The following ARID1B variants were observed in gnomAD, a reference collection of about 807,000 sequenced individuals.
ARID1B encodes the protein AT-rich interactive domain-containing protein 1B.
Under a neutral mutation model 212.3 loss-of-function variants are expected in ARID1B, and 30 were observed. The observed-to-expected ratio is 0.14, with a 90% CI of 0.11 to 0.19. The LOEUF is 0.19. ARID1B is among the 10% of genes least tolerant of loss of function. The pLI is 1.00. For synonymous variants in ARID1B, 1,402 were observed against 1,301.7 expected, an observed-to-expected ratio of 1.08 and a Z score of -1.66; for missense variants, 2,891 against 3,204.0, an observed-to-expected ratio of 0.90 and a Z score of 2.36.
At chr6:157,012,769 A>G (rs1435523434) in intron 4 of ARID1B, among the ~76,000 whole-genome samples, 1 of 152,266 alleles carries the variant, frequency 6.6e-6, no homozygotes, top group Non-Finnish European at 1.5e-5. Flanking sequence ...TTTCAGATCT[A>G]TGAATAATAC....
At chr6:156,944,035 G>A (rs182353869) in intron 4 of ARID1B, 6 of 152,234 alleles carry the variant, frequency 3.9e-5, no homozygotes, top group Non-Finnish European at 1.5e-5. Flanking sequence ...AGCAATACAC[G>A]TCATTTCTCA....
At chr6:157,059,612 A>C (rs992539079) in intron 4 of ARID1B, among the ~76,000 whole-genome samples, 2 of 152,218 alleles carry the variant, frequency 1.3e-5, no homozygotes, top group African/African-American at 4.8e-5. Context: ...AATTGTTTTC[A>C]GTGGGCCAGG....
At chr6:157,000,843 G>A (rs1301690155) in intron 4 of ARID1B, among the ~76,000 whole-genome samples, 5 of 151,794 alleles carry the variant, frequency 3.3e-5, no homozygotes, top group East Asian at 1.9e-4. Context: ...ACAGGTGTGC[G>A]CCACCACGGC....
chr6:156,991,562 T>TTATTG (rs1476708037), intron 4 of ARID1B, among the ~76,000 whole-genome samples: 1 of 152,198 alleles, frequency 6.6e-6, no homozygotes, highest in Non-Finnish European at 1.5e-5. Flanking sequence ...ATTGTCTATG[T>TTATTG]TATTGTACCA....
At chr6:156,799,556 A>G (rs1304240802) in intron 1 of ARID1B, among the ~76,000 whole-genome samples, 5 of 152,162 alleles carry the variant, frequency 3.3e-5, no homozygotes, top group Non-Finnish European at 7.3e-5. Flanking sequence ...TCCTCACTGC[A>G]TCCTCAGCTT....
chr6:156,855,047 A>G (rs542989504), intron 2 of ARID1B, among the ~76,000 whole-genome samples: 4 of 152,180 alleles, frequency 2.6e-5, no homozygotes, highest in Non-Finnish European at 4.4e-5. Flanking sequence ...GGTGCTTATC[A>G]TATATCATAG....
At chr6:156,986,188 C>T (rs1425681602) in intron 4 of ARID1B, among the ~76,000 whole-genome samples, 1 of 152,132 alleles carries the variant, frequency 6.6e-6, no homozygotes, top group Non-Finnish European at 1.5e-5. Flanking sequence ...GGTGTCAAGG[C>T]CTCAGGACTG....
At chr6:156,801,637 T>TC (rs1780797530) in intron 1 of ARID1B, among the ~76,000 whole-genome samples, 1 of 152,212 alleles carries the variant, frequency 6.6e-6, no homozygotes, top group Non-Finnish European at 1.5e-5. Flanking sequence ...CTATCCAGGT[T>TC]CTGCCATATT....
chr6:156,987,830 G>A (rs985673248), intron 4 of ARID1B, among the ~76,000 whole-genome samples: 1 of 152,162 alleles, frequency 6.6e-6, no homozygotes, highest in Non-Finnish European at 1.5e-5. Context: ...TATCTTGCTC[G>A]AATCTAGAAT....
At chr6:156,884,458 T>C (rs1273047789) in intron 2 of ARID1B, among the ~76,000 whole-genome samples, 1 of 152,190 alleles carries the variant, frequency 6.6e-6, no homozygotes, top group Non-Finnish European at 1.5e-5. Context: ...CATGCAGGTC[T>C]TTGCCTCCTA....
chr6:157,194,120 GT>G (rs1333945389), intron 15 of ARID1B: 1 of 152,080 alleles, frequency 6.6e-6, no homozygotes, highest in African/African-American at 2.4e-5. Context: ...TTGACCATTT[GT>G]TTTTCTTTTG....
At chr6:156,836,790 G>T (rs1444454970) in intron 2 of ARID1B, among the ~76,000 whole-genome samples, 2 of 152,098 alleles carry the variant, frequency 1.3e-5, no homozygotes, top group African/African-American at 2.4e-5. Context: ...TCAGCCTCCT[G>T]AGTAGCTGGG....
chr6:157,093,157 G>T (rs1195464664), intron 5 of ARID1B, among the ~76,000 whole-genome samples: 1 of 152,164 alleles, frequency 6.6e-6, no homozygotes, highest in East Asian at 1.9e-4. Context: ...GAAGTAAAAA[G>T]TTTCAAAAAT....
intron 9 of ARID1B, chr6:157,168,914 A>G (rs1207249094): frequency 6.6e-6 from 1 of 152,240 alleles, no homozygotes; most frequent in South Asian, 2.1e-4. Flanking sequence ...GTTTTCCTCT[A>G]CACGTTGATC....
intron 5 of ARID1B, among the ~76,000 whole-genome samples, chr6:157,106,378 G>A (rs1786484820): frequency 6.6e-6 from 1 of 152,194 alleles, no homozygotes; most frequent in South Asian, 2.1e-4. Flanking sequence ...TCCTCATCTG[G>A]AGGCTCGACT....
At chr6:157,171,114 C>T (rs1020522764) in intron 9 of ARID1B, among the ~76,000 whole-genome samples, 1 of 152,224 alleles carries the variant, frequency 6.6e-6, no homozygotes, top group Non-Finnish European at 1.5e-5. Context: ...CGGTTTGACT[C>T]ATGTCATGTG....
At chr6:157,095,093 C>T (rs184776374) in intron 5 of ARID1B, among the ~76,000 whole-genome samples, 101 of 152,190 alleles carry the variant, frequency 6.6e-4, no homozygotes, top group African/African-American at 2.3e-3. Context: ...GGATGAGGTC[C>T]CCTGGGCACC....
intron 6 of ARID1B, among the ~76,000 whole-genome samples, chr6:157,122,871 C>G (rs537454230): frequency 2.6e-5 from 4 of 151,674 alleles, no homozygotes; most frequent in South Asian, 2.1e-4. Context: ...TAGTAGAGAC[C>G]GGGTTTCACC....
chr6:157,053,576 C>A (rs948072168), intron 4 of ARID1B, among the ~76,000 whole-genome samples: 1 of 152,164 alleles, frequency 6.6e-6, no homozygotes, highest in African/African-American at 2.4e-5. Flanking sequence ...AATCCTGCAA[C>A]TTTATTCCTG....
Sources: gnomAD v4.1 joint callset for allele counts (sites outside exome capture counted in the v4.1 genomes callset) on GRCh38, gnomAD v4.1.1 for gene constraint, MANE v1.5 for transcripts, NCBI Gene and HGNC (gene_info 2026-07-23, HGNC 2026-07-21) for gene names.